The following MYO5B variants were observed in gnomAD, a reference collection of about 807,000 sequenced individuals.
MYO5B encodes the protein myosin VB.
In MYO5B, 143 loss-of-function variants were observed where a neutral mutation model predicts 229.3. The observed-to-expected ratio is 0.62, with a 90% CI of 0.54 to 0.72. The LOEUF (loss-of-function observed/expected upper bound fraction) is 0.72, where lower values mean the gene tolerates loss of function less well. Ranked by LOEUF, MYO5B falls within the 30% of genes least tolerant of loss-of-function variation. MYO5B has a pLI of 0.00. For synonymous variants in MYO5B, 918 were observed against 885.2 expected (o/e 1.04, Z -0.66); for missense variants, 2,321 against 2,331.0 (o/e 1.00, Z 0.09).
intron 18 of MYO5B, among the ~76,000 whole-genome samples, chr18:49,911,339 G>A (rs892496592): frequency 6.6e-6 from 1 of 152,196 alleles, no homozygotes; most frequent in Non-Finnish European, 1.5e-5. Context: ...TGGGAAAAAT[G>A]TTAGAGATAG....
chr18:49,950,733 A>G (rs2025422444), intron 14 of MYO5B, among the ~76,000 whole-genome samples: 1 of 152,172 alleles, frequency 6.6e-6, no homozygotes, highest in African/African-American at 2.4e-5. Context: ...TATTTTATAT[A>G]TTTCTACAAT....
At chr18:49,886,535 T>C (rs1408511516) in intron 22 of MYO5B, among the ~76,000 whole-genome samples, 1 of 151,892 alleles carries the variant, frequency 6.6e-6, no homozygotes, top group Non-Finnish European at 1.5e-5. Flanking sequence ...GGCAAAGGGG[T>C]TGGCTTTCTG....
At position 49,974,442 on chromosome 18, in the gene MYO5B, G is replaced by C; in HGVS notation, c.1230C>G (p.Ala410=). The C allele has an allele frequency of 6.2e-7, 1 of 1,614,178 alleles. No individual in the cohort carries two copies. Among genetic ancestry groups the C allele is most frequent in the Non-Finnish European group, 8.5e-7 (1 of 1,180,030 alleles). ...GCTCCACAATCCAGCCGAACAACTGGGCATAGATGTGCTTCGCCAGGGCGT... is the reference window on the plus strand; with the variant it reads ...GCTCCACAATCCAGCCGAACAACTGCGCATAGATGTGCTTCGCCAGGGCGT... ...ARNALAKHIY[A]QLFGWIVEHI... The change falls in exon 10 of 40, where the codon GCC becomes GCG. Residue 410 remains alanine (A), a synonymous_variant. Coordinates refer to ENST00000285039, the MANE Select transcript of MYO5B (RefSeq NM_001080467.3).
chr18:50,002,335 C>G (rs1487915516), intron 4 of MYO5B, among the ~76,000 whole-genome samples: 1 of 152,112 alleles, frequency 6.6e-6, no homozygotes, highest in Non-Finnish European at 1.5e-5. Flanking sequence ...TCAGACAGAA[C>G]AGAGGGCAGG....
chr18:50,030,644 T>A (rs2026377228), intron 4 of MYO5B, among the ~76,000 whole-genome samples: 2 of 151,646 alleles, frequency 1.3e-5, no homozygotes. Flanking sequence ...CCAGATCCCA[T>A]CTCCAGGCTG....
At chr18:50,037,947 T>G (rs2029892261) in intron 3 of MYO5B, among the ~76,000 whole-genome samples, 2 of 152,206 alleles carry the variant, frequency 1.3e-5, no homozygotes, top group Non-Finnish European at 2.9e-5. Context: ...ACTGCATGTT[T>G]GCTATTTTTT....
intron 1 of MYO5B, among the ~76,000 whole-genome samples, chr18:50,074,834 G>C (rs1040207368): frequency 6.6e-6 from 1 of 151,974 alleles, no homozygotes; most frequent in African/African-American, 2.4e-5. Flanking sequence ...TTTTTTGTTT[G>C]TTTTGAGATG....
intron 1 of MYO5B, among the ~76,000 whole-genome samples, chr18:50,111,152 G>C (rs2031857747): frequency 6.6e-6 from 1 of 152,200 alleles, no homozygotes; most frequent in African/African-American, 2.4e-5. Flanking sequence ...AAGATTACTA[G>C]AGTGGGAACA....
At chr18:49,963,267 G>C (rs2025581951) in intron 10 of MYO5B, among the ~76,000 whole-genome samples, 1 of 151,910 alleles carries the variant, frequency 6.6e-6, no homozygotes, top group African/African-American at 2.4e-5. Flanking sequence ...TTTTGGAAAA[G>C]AAAGTTTAAA....
At chr18:49,947,590 T>A (rs1296092585) in intron 14 of MYO5B, among the ~76,000 whole-genome samples, 5 of 152,164 alleles carry the variant, frequency 3.3e-5, no homozygotes. Flanking sequence ...CAATTATGTG[T>A]TTAGAGTTAT....
intron 1 of MYO5B, among the ~76,000 whole-genome samples, chr18:50,165,301 G>A (rs1224172202): frequency 6.6e-6 from 1 of 151,954 alleles, no homozygotes; most frequent in African/African-American, 2.4e-5. Flanking sequence ...TGGGCAACAT[G>A]GCAAAACCCC....
intron 33 of MYO5B, among the ~76,000 whole-genome samples, chr18:49,846,190 G>C (rs2024123796): frequency 6.6e-6 from 1 of 152,172 alleles, no homozygotes; most frequent in South Asian, 2.1e-4. Context: ...CTTTGACAGT[G>C]GGACCAGGGT....
At chr18:50,116,832 C>T (rs148292403) in intron 1 of MYO5B, among the ~76,000 whole-genome samples, 89 of 148,378 alleles carry the variant, frequency 6.0e-4, no homozygotes, top group African/African-American at 2.1e-3. Flanking sequence ...AGTCTGAGAA[C>T]CACTGAGTTA....
Position 49,912,150 on chromosome 18 carries a change from T to G in MYO5B, c.2114A>C (p.Asn705Thr), listed in dbSNP as rs376384329. The G allele has an allele frequency of 1.9e-6, 3 of 1,613,682 alleles. No homozygotes were observed. In the African/African-American group the frequency reaches 4.0e-5, roughly 22 times the overall value. The change falls in exon 18 of 40, where the codon AAC (asparagine) becomes ACC (threonine). Residue 705 changes from asparagine to threonine, a missense_variant. Around this residue, in one of 2 missense-constraint regions of MYO5B, gnomAD observed 2,113 missense variants for 2,044.7 expected, o/e 1.03. Coordinates refer to ENST00000285039, the MANE Select transcript of MYO5B (RefSeq NM_001080467.3). Reference protein sequence around the residue: ...PSRWAYHDFFNRYRVLVKKRE... With the variant: ...PSRWAYHDFFTRYRVLVKKRE... The stretch of plus-strand genomic sequence containing the variant: ...CTTCTTGACCAGCACCCGATACCGG[T>G]TGAAAAAGTCATGGTAGGCCCACCT...
intron 12 of MYO5B, 31 bp downstream of exon 12, chr18:49,962,235 G>A (rs1298075492): frequency 1.9e-6 from 3 of 1,613,462 alleles, no homozygotes; most frequent in Admixed American, 3.3e-5. Context: ...CCCTACCCTA[G>A]AATTGAACTA....
In MYO5B at chr18:50,071,491, C is replaced by T. The variant is rs1224392133; in HGVS notation, c.28-16113G>A. On this transcript the variant is annotated intron_variant, in intron 1 of 39. Transcript: ENST00000285039. Reference sequence around the variant, plus strand: ...TCTAGCACTATAGATTCTTGCTTCTCATAGCAAGAAGCTATGGCCTCTCTC... The same window carrying T: ...TCTAGCACTATAGATTCTTGCTTCTTATAGCAAGAAGCTATGGCCTCTCTC... Among the ~76,000 whole-genome samples the T allele has an allele frequency of 5.3e-5, 8 of 152,164 alleles. No individual in the cohort carries two copies. In the East Asian group the frequency reaches 7.7e-4, roughly 15 times the overall value.
intron 31 of MYO5B, among the ~76,000 whole-genome samples, chr18:49,851,987 CCCT>C (rs150832122): frequency 6.6e-6 from 1 of 151,500 alleles, no homozygotes; most frequent in Non-Finnish European, 1.5e-5. Flanking sequence ...CAAACTGGAG[CCCT>C]CCTCCTCCTC....
rs376928802 is a variant in MYO5B at position 49,962,913 on chromosome 18, A to G, written c.1404+36T>C. Reference sequence around the variant, plus strand: ...CTGTCCCTCCCAGAGGAGTCCCCCCAATCCTGGTACCCCCAGGTCTAGAAA... The same window carrying G: ...CTGTCCCTCCCAGAGGAGTCCCCCCGATCCTGGTACCCCCAGGTCTAGAAA... On this transcript the variant is annotated intron_variant, in intron 11 of 39. Transcript: ENST00000285039. 1.2e-5 allele frequency: 19 copies of G among 1,577,930 alleles called. No individual in the cohort carries two copies. The African/African-American group carries it at 1.8e-4, about 15-fold the overall frequency.
At chr18:50,049,273 G>A (rs541745125) in intron 2 of MYO5B, among the ~76,000 whole-genome samples, 1 of 152,090 alleles carries the variant, frequency 6.6e-6, no homozygotes, top group African/African-American at 2.4e-5. Context: ...GCACATAATT[G>A]CTCAATAATA....
Sources: allele counts gnomAD v4.1 joint callset (sites outside exome capture counted in the v4.1 genomes callset), GRCh38; gene constraint gnomAD v4.1.1; regional missense constraint gnomAD v4.1.1; transcripts MANE v1.5; gene names NCBI Gene and HGNC (gene_info 2026-07-23, HGNC 2026-07-21).